QRSL1: variants seen among roughly 807,000 people sequenced by gnomAD.
QRSL1 encodes the protein glutaminyl-tRNA amidotransferase subunit QRSL1.
In QRSL1, 54 loss-of-function variants were observed where a neutral mutation model predicts 61.6. The ratio of observed to expected loss-of-function variants is 0.88; its 90% CI spans 0.70 to 1.10. The LOEUF is 1.10. Among genes scored for constraint, QRSL1 ranks in the 50% least tolerant of loss-of-function variants. The pLI is 0.00. For synonymous variants in QRSL1, 228 were observed against 225.7 expected (o/e 1.01, Z -0.09); for missense variants, 505 against 622.6 (o/e 0.81, Z 2.01).
intron 4 of QRSL1, among the ~76,000 whole-genome samples, chr6:106,647,027 CAAAAAAAAAAAAAAA>C (rs57402820): frequency 4.9e-5 from 4 of 81,448 alleles, no homozygotes; most frequent in Admixed American, 1.6e-4. Flanking sequence ...GACTCCTTCT[CAAAAAAAAAAAAAAA>C]AAAAAAAAAA....
chr6:106,637,317 A>G (rs1414963731), intron 1 of QRSL1, among the ~76,000 whole-genome samples: 1 of 152,238 alleles, frequency 6.6e-6, no homozygotes, highest in Non-Finnish European at 1.5e-5. Context: ...GGTGAGGTGA[A>G]GGAAAAGCTT....
intron 10 of QRSL1, among the ~76,000 whole-genome samples, chr6:106,665,514 T>C (rs1037273583): frequency 1.3e-5 from 2 of 152,198 alleles, no homozygotes; most frequent in Admixed American, 1.3e-4. Context: ...GAAGACTGGT[T>C]TACTCAATTA....
At chr6:106,635,392 T>C (rs1776903753) in intron 1 of QRSL1, among the ~76,000 whole-genome samples, 1 of 152,176 alleles carries the variant, frequency 6.6e-6, no homozygotes. Context: ...AAATGAGGGC[T>C]GGTGCTGACC....
At position 106,667,881 on chromosome 6, in the gene QRSL1, T is replaced by G. The variant is rs1026850211; in HGVS notation, c.*1879T>G. 1 of 151,860 alleles carries G rather than the reference T, an allele frequency of 6.6e-6. No homozygotes were observed. Among genetic ancestry groups the G allele is most frequent in the Non-Finnish European group, 1.5e-5 (1 of 67,996 alleles). 9.4% of individuals were successfully genotyped at this position (151,860 alleles called of 1,614,324 possible). Reference sequence around the variant, plus strand: ...CCTAGATGGAGGAAACCATTTTAGTTGAAGGAGCAAATATGATGTCAAAAG... The same window carrying G: ...CCTAGATGGAGGAAACCATTTTAGTGGAAGGAGCAAATATGATGTCAAAAG... On this transcript the variant is annotated 3_prime_UTR_variant, in exon 11 of 11. Coordinates refer to ENST00000369046, the MANE Select transcript of QRSL1 (RefSeq NM_018292.5).
At chr6:106,643,210 A>G (rs1777050613) in intron 4 of QRSL1, 120 bp downstream of exon 4, 1 of 706,018 alleles carries the variant, frequency 1.4e-6, no homozygotes, top group African/African-American at 1.8e-5. Flanking sequence ...CTGTGAGATT[A>G]TGTTATGTTG....
At chr6:106,630,113 A>G (rs1030200211) in intron 1 of QRSL1, among the ~76,000 whole-genome samples, 1 of 152,074 alleles carries the variant, frequency 6.6e-6, no homozygotes, top group Non-Finnish European at 1.5e-5. Flanking sequence ...TCAAATGAGT[A>G]ATTTTTGGCT....
At chr6:106,634,420 G>C (rs1776888530) in intron 1 of QRSL1, among the ~76,000 whole-genome samples, 1 of 152,158 alleles carries the variant, frequency 6.6e-6, no homozygotes, top group Admixed American at 6.6e-5. Flanking sequence ...AATTTTAAAA[G>C]CTCCTTCAGA....
rs74500490 is a variant in QRSL1, at chr6:106,664,041, C to T, written c.1366+856C>T. On this transcript the variant is annotated intron_variant, in intron 10 of 10. Coordinates refer to ENST00000369046, the MANE Select transcript of QRSL1 (RefSeq NM_018292.5). The stretch of plus-strand genomic sequence containing the variant: ...CACCCCTAAATTCTTTTGTACAAAT[C>T]TTATAAGGATAAATTTTCCTACAGA... Among the ~76,000 whole-genome samples, 4 of 152,256 alleles carry T rather than the reference C, an allele frequency of 2.6e-5. No individual in the cohort carries two copies. The East Asian group carries it at 7.7e-4, about 29-fold the overall frequency.
At position 106,632,370 on chromosome 6, in the gene QRSL1, A is replaced by T. The variant is rs538936535; in HGVS notation, c.24+2665A>T. Among the ~76,000 whole-genome samples, 5 of 150,720 alleles carry T rather than the reference A, an allele frequency of 3.3e-5. No homozygotes were observed. In the East Asian group the frequency reaches 7.7e-4, roughly 23 times the overall value. On this transcript the variant is annotated intron_variant, in intron 1 of 10. Transcript: ENST00000369046. ...TGGATCGTATGGTAGTTCTATTTTT[A>T]TTTATTTATTTTTAATTATTTTTTT... is the stretch of plus-strand genomic sequence containing the variant.
At chr6:106,645,022 A>G (rs1777086076) in intron 4 of QRSL1, among the ~76,000 whole-genome samples, 2 of 151,710 alleles carry the variant, frequency 1.3e-5, no homozygotes, top group African/African-American at 4.8e-5. Flanking sequence ...GAATGATCTT[A>G]GGTTTTTTTG....
At chr6:106,658,280 G>A (rs1268473270) in intron 9 of QRSL1, among the ~76,000 whole-genome samples, 1 of 152,002 alleles carries the variant, frequency 6.6e-6, no homozygotes, top group South Asian at 2.1e-4. Flanking sequence ...TTTACTTGAA[G>A]AACTTTCTTT....
At chr6:106,647,579 G>T (rs1397565699) in intron 4 of QRSL1, among the ~76,000 whole-genome samples, 1 of 131,988 alleles carries the variant, frequency 7.6e-6, no homozygotes, top group Non-Finnish European at 1.6e-5. Context: ...AAAAGAGAGA[G>T]ACAATGATAA....
intron 1 of QRSL1, among the ~76,000 whole-genome samples, chr6:106,635,519 ACT>A (rs1409484451): frequency 6.6e-6 from 1 of 151,114 alleles, no homozygotes; most frequent in African/African-American, 2.5e-5. Context: ...TCACTGGAAC[ACT>A]CAGCCCTCAA....
intron 1 of QRSL1, among the ~76,000 whole-genome samples, chr6:106,637,521 C>T (rs1027329176): frequency 6.6e-6 from 1 of 152,020 alleles, no homozygotes; most frequent in African/African-American, 2.4e-5. Context: ...GTGTCATCTC[C>T]CAAGGCATGT....
chr6:106,656,901 C>T (rs1341184880), intron 9 of QRSL1, among the ~76,000 whole-genome samples: 2 of 152,188 alleles, frequency 1.3e-5, no homozygotes, highest in African/African-American at 4.8e-5. Flanking sequence ...GAGCAATCCA[C>T]CCATCTCAAC....
At chr6:106,655,110 T>A (rs927144350) in intron 8 of QRSL1, among the ~76,000 whole-genome samples, 188 bp downstream of exon 8, 4 of 152,202 alleles carry the variant, frequency 2.6e-5, no homozygotes, top group South Asian at 2.1e-4. Context: ...TTTGTGTATG[T>A]TTGGTTTGCT....
chr6:106,652,687 T>C lies in QRSL1; in HGVS notation c.849+105T>C, dbSNP rs1777208606. On this transcript the variant is annotated intron_variant, in intron 7 of 10. Transcript: ENST00000369046. Reference sequence around the variant, plus strand: ...GGTTTGAATCTCTGCTCTGCCACTTTTATTAATCATGTGAGTTGAGTATGT... The same window carrying C: ...GGTTTGAATCTCTGCTCTGCCACTTCTATTAATCATGTGAGTTGAGTATGT... 7 of 1,565,628 alleles carry C rather than the reference T, an allele frequency of 4.5e-6. No homozygotes were observed. The East Asian group carries it at 7.1e-5, about 16-fold the overall frequency.
At chr6:106,647,540 T>C (rs1477690135) in intron 4 of QRSL1, among the ~76,000 whole-genome samples, 40 of 95,528 alleles carry the variant, frequency 4.2e-4, no homozygotes, top group Non-Finnish European at 4.7e-4. Context: ...GCCTGGGCAA[T>C]AGAGCGAGAC....
rs1777456256 is a variant in QRSL1 at position 106,667,503 on chromosome 6, TG to T, written c.*1502del. The T allele has an allele frequency of 6.6e-6, 1 of 152,196 alleles. No individual in the cohort carries two copies. The highest frequency in any genetic ancestry group is 2.1e-4 in the South Asian group (1 of 4,832). The allele number at this position is 152,196 out of a possible 1,614,324, so 9.4% of individuals were successfully genotyped here. A position where few individuals can be genotyped will look rare whatever the true frequency, so the allele number is the denominator to read the frequency against. On this transcript the variant is annotated 3_prime_UTR_variant, in exon 11 of 11. Coordinates refer to ENST00000369046, the MANE Select transcript of QRSL1 (RefSeq NM_018292.5). ...TTACATATTGTTGATAAATGAAAGC[TG>T]AATTGTTACTTAATAAATTCACTTT...
Sources: allele counts gnomAD v4.1 joint callset (sites outside exome capture counted in the v4.1 genomes callset), GRCh38; gene constraint gnomAD v4.1.1; transcripts MANE v1.5; gene names NCBI Gene and HGNC (gene_info 2026-07-23, HGNC 2026-07-21).